The following TSPAN18 variants were observed in gnomAD, a reference collection of about 807,000 sequenced individuals.
TSPAN18 encodes the protein tetraspanin-18.
Under a neutral mutation model 27.3 loss-of-function variants are expected in TSPAN18, and 14 were observed. The ratio of observed to expected loss-of-function variants is 0.51; its 90% confidence interval spans 0.34 to 0.80. The LOEUF is 0.80. Among genes scored for constraint, TSPAN18 ranks in the 30% least tolerant of loss-of-function variants. The probability of loss-of-function intolerance (pLI) is 0.01; values close to 1 mark genes in which losing one functional copy is unlikely to be tolerated. For synonymous variants in TSPAN18, 143 were observed against 136.5 expected (o/e 1.05, Z -0.33); for missense variants, 268 against 323.9 (o/e 0.83, Z 1.32).
intron 2 of TSPAN18, among the ~76,000 whole-genome samples, chr11:44,799,236 C>T (rs896317273): frequency 9.2e-5 from 14 of 151,992 alleles, no homozygotes; most frequent in African/African-American, 3.1e-4. Context: ...CTTGAACCCT[C>T]GTCCCCTTGG....
At position 44,860,449 on chromosome 11, in the gene TSPAN18, A is replaced by G. The variant is rs1382284755; in HGVS notation, c.-31A>G. ...ACGCGAGCATAATCCTTTTGCAGACATCTCAACGCTGGCTCTCCAGGTAAC... is the reference window on the plus strand; with the variant it reads ...ACGCGAGCATAATCCTTTTGCAGACGTCTCAACGCTGGCTCTCCAGGTAAC... On this transcript the variant is annotated 5_prime_UTR_variant, in exon 3 of 10. Coordinates refer to ENST00000520358, the MANE Select transcript of TSPAN18 (RefSeq NM_130783.5). The G allele has an allele frequency of 1.3e-5, 2 of 150,968 alleles. No homozygotes were observed. Among genetic ancestry groups the G allele is most frequent in the East Asian group, 3.9e-4 (2 of 5,190 alleles). 9.4% of individuals were successfully genotyped at this position (150,968 alleles called of 1,614,324 possible).
chr11:44,781,997 T>G (rs1405099765), intron 2 of TSPAN18, among the ~76,000 whole-genome samples: 1 of 152,220 alleles, frequency 6.6e-6, no homozygotes, highest in Non-Finnish European at 1.5e-5. Context: ...TAAGATTCAT[T>G]TACATTGGTG....
intron 1 of TSPAN18, among the ~76,000 whole-genome samples, chr11:44,760,498 A>G (rs946123533): frequency 2.6e-5 from 4 of 152,196 alleles, no homozygotes; most frequent in African/African-American, 9.7e-5. Context: ...AGTGGGGTAT[A>G]TATTCATGGT....
chr11:44,736,305 A>G (rs1854792335), intron 1 of TSPAN18: 2 of 152,246 alleles, frequency 1.3e-5, no homozygotes, highest in Non-Finnish European at 2.9e-5. Context: ...AGGAAACATC[A>G]GCATATAGAA....
intron 1 of TSPAN18, among the ~76,000 whole-genome samples, chr11:44,743,575 C>T (rs540918724): frequency 2.6e-5 from 4 of 152,304 alleles, no homozygotes; most frequent in South Asian, 4.1e-4. Context: ...GCCGAGTCCT[C>T]GGAAGTTTGA....
intron 3 of TSPAN18, among the ~76,000 whole-genome samples, chr11:44,898,203 T>C (rs1859134180): frequency 6.6e-6 from 1 of 152,238 alleles, no homozygotes. Flanking sequence ...ACATAGCGTA[T>C]GTGCTGTACC....
chr11:44,807,258 G>A (rs1432526755), intron 2 of TSPAN18, among the ~76,000 whole-genome samples: 1 of 137,914 alleles, frequency 7.3e-6, no homozygotes, highest in East Asian at 2.3e-4. Context: ...GCCAGGCACC[G>A]TGGCTCATGC....
intron 3 of TSPAN18, among the ~76,000 whole-genome samples, chr11:44,876,323 G>A (rs376493897): frequency 2.0e-5 from 3 of 152,140 alleles, no homozygotes; most frequent in Admixed American, 6.5e-5. Flanking sequence ...GTGTGCCAGC[G>A]TCCCCAGCCT....
At chr11:44,921,170 G>T (rs962545216) in intron 8 of TSPAN18, among the ~76,000 whole-genome samples, 1 of 152,186 alleles carries the variant, frequency 6.6e-6, no homozygotes, top group Non-Finnish European at 1.5e-5. Flanking sequence ...GGGGAAAGAG[G>T]CTCAATAGAG....
intron 1 of TSPAN18, among the ~76,000 whole-genome samples, chr11:44,752,111 T>C (rs1006162321): frequency 6.6e-6 from 1 of 151,994 alleles, no homozygotes; most frequent in Non-Finnish European, 1.5e-5. Flanking sequence ...CAAAATGGAG[T>C]CATTCAAGCT....
At chr11:44,888,138 ACTCGGGG>A (rs1858721945) in intron 3 of TSPAN18, among the ~76,000 whole-genome samples, 1 of 152,002 alleles carries the variant, frequency 6.6e-6, no homozygotes, top group African/African-American at 2.4e-5. Flanking sequence ...CTAACCCAGG[ACTCGGGG>A]CTGCCAACTC....
At chr11:44,897,577 C>G (rs1859107902) in intron 3 of TSPAN18, among the ~76,000 whole-genome samples, 1 of 152,212 alleles carries the variant, frequency 6.6e-6, no homozygotes, top group African/African-American at 2.4e-5. Flanking sequence ...CACTCCCCCG[C>G]TGGAGTGGCC....
intron 2 of TSPAN18, among the ~76,000 whole-genome samples, chr11:44,812,985 C>T (rs1856749806): frequency 6.6e-6 from 1 of 152,228 alleles, no homozygotes. Flanking sequence ...GTGCGGCTCC[C>T]CGACACCAGG....
intron 2 of TSPAN18, among the ~76,000 whole-genome samples, chr11:44,843,380 G>T (rs1291091148): frequency 6.6e-6 from 1 of 152,118 alleles, no homozygotes; most frequent in Non-Finnish European, 1.5e-5. Flanking sequence ...AATAGGTGTG[G>T]GTCACAGACA....
chr11:44,809,032 C>T (rs1856661234), intron 2 of TSPAN18, among the ~76,000 whole-genome samples: 1 of 152,162 alleles, frequency 6.6e-6, no homozygotes, highest in Admixed American at 6.5e-5. Flanking sequence ...CTAAACACTT[C>T]TCATGTCCTA....
chr11:44,882,849 C>T (rs1858535082), intron 3 of TSPAN18, among the ~76,000 whole-genome samples: 2 of 152,142 alleles, frequency 1.3e-5, no homozygotes, highest in Admixed American at 1.3e-4. Flanking sequence ...AAGGGCGCTG[C>T]CTTTTGTTCT....
In TSPAN18 at chr11:44,860,376, A is replaced by T. The variant is rs999283766; in HGVS notation, c.-104A>T. The T allele has an allele frequency of 6.6e-6, 1 of 152,182 alleles. No homozygotes were observed. Among genetic ancestry groups the T allele is most frequent in the African/African-American group, 2.4e-5 (1 of 41,466 alleles). 9.4% of individuals were successfully genotyped at this position (152,182 alleles called of 1,614,324 possible). A position where few individuals can be genotyped will look rare whatever the true frequency, so the allele number is the denominator to read the frequency against. Reference sequence around the variant, plus strand: ...CAAGCTTCAGGTGAGCTGAGCTTCTAACACTACCATCAAAGCAACTGGAAC... The same window carrying T: ...CAAGCTTCAGGTGAGCTGAGCTTCTTACACTACCATCAAAGCAACTGGAAC... On this transcript the variant is annotated 5_prime_UTR_variant, in exon 3 of 10. Transcript: ENST00000520358.
chr11:44,802,664 T>G (rs1287791180), intron 2 of TSPAN18, among the ~76,000 whole-genome samples: 4 of 142,144 alleles, frequency 2.8e-5, no homozygotes, highest in Admixed American at 6.9e-5. Context: ...GCTCAAGAAC[T>G]GGGGAAGAGG....
intron 3 of TSPAN18, among the ~76,000 whole-genome samples, chr11:44,888,897 C>A (rs1858750361): frequency 6.6e-6 from 1 of 152,184 alleles, no homozygotes; most frequent in African/African-American, 2.4e-5. Flanking sequence ...GAATTGTAAT[C>A]CCCATGTGTC....
Sources: gnomAD v4.1 joint callset for allele counts (sites outside exome capture counted in the v4.1 genomes callset) on GRCh38, gnomAD v4.1.1 for gene constraint, MANE v1.5 for transcripts, NCBI Gene and HGNC (gene_info 2026-07-23, HGNC 2026-07-21) for gene names.